TRPC3: variants seen among roughly 807,000 people sequenced by gnomAD.
The protein encoded by TRPC3 is transient receptor potential cation channel subfamily C member 3, also known as short transient receptor potential channel 3.
In TRPC3, 54 loss-of-function variants were observed where a neutral mutation model predicts 90.9. That is an observed-to-expected ratio of 0.59 (90% CI 0.48 to 0.75). The LOEUF is 0.75. Ranked by LOEUF, TRPC3 falls within the 30% of genes least tolerant of loss-of-function variation. The pLI is 0.00. For synonymous variants in TRPC3, 424 were observed against 450.9 expected, an observed-to-expected ratio of 0.94 and a Z score of 0.75; for missense variants, 918 against 1,194.5, an observed-to-expected ratio of 0.77 and a Z score of 3.41.
chr4:121,914,728 C>A, intron 4 of TRPC3, 52 bp downstream of exon 4: 2 of 1,450,276 alleles, frequency 1.4e-6, no homozygotes, highest in Non-Finnish European at 1.8e-6. Context: ...TTTTTTATCC[C>A]AAAGAGACAC....
intron 7 of TRPC3, among the ~76,000 whole-genome samples, chr4:121,905,114 A>T (rs1728834419): frequency 6.6e-6 from 1 of 152,142 alleles, no homozygotes; most frequent in Non-Finnish European, 1.5e-5. Context: ...TATCAAAGAT[A>T]CAGTAAATGA....
At position 121,911,736 on chromosome 4, in the gene TRPC3, T is replaced by A. The variant is rs189288911; in HGVS notation, c.1558+141A>T. 175 of 875,444 alleles carry A rather than the reference T, an allele frequency of 2.0e-4. No homozygotes were observed. The African/African-American group carries it at 2.7e-3, about 14-fold the overall frequency. The allele number at this position is 875,444 out of a possible 1,614,324, so 54.2% of individuals were successfully genotyped here. A position where few individuals can be genotyped will look rare whatever the true frequency, so the allele number is the denominator to read the frequency against. On this transcript the variant is annotated intron_variant, in intron 5 of 11. Transcript: ENST00000379645. Reference sequence around the variant, plus strand: ...TTATCTAGCTAGAAAATTATTTGGTTATTTTGCTATTTAGCTTATCTTGCA... The same window carrying A: ...TTATCTAGCTAGAAAATTATTTGGTAATTTTGCTATTTAGCTTATCTTGCA...
chr4:121,898,969 A>G (rs1005094236), intron 10 of TRPC3, among the ~76,000 whole-genome samples: 2 of 152,210 alleles, frequency 1.3e-5, no homozygotes, highest in African/African-American at 4.8e-5. Context: ...GCAGTAACGG[A>G]CATCACCAAT....
At chr4:121,889,353 A>G (rs1728240072) in intron 10 of TRPC3, among the ~76,000 whole-genome samples, 2 of 152,360 alleles carry the variant, frequency 1.3e-5, no homozygotes, top group Non-Finnish European at 1.5e-5. Flanking sequence ...TCCAGAATAT[A>G]TAAGAAACTT....
At position 121,889,550 on chromosome 4, in the gene TRPC3, C is replaced by T. The variant is rs188791661; in HGVS notation, c.2548-7121G>A. 2.6e-5 allele frequency among the ~76,000 whole-genome samples: 4 copies of T among 152,188 alleles called. No individual in the cohort carries two copies. In the East Asian group the frequency reaches 7.7e-4, roughly 29 times the overall value. ...TTTCACCTCACCCTAGTTAGGATGG[C>T]TATTATCAAACAGACAAAAAATAAC... On this transcript the variant is annotated intron_variant, in intron 10 of 11. Transcript: ENST00000379645.
chr4:121,913,943 A>T (rs1729203040), intron 4 of TRPC3, among the ~76,000 whole-genome samples: 1 of 152,168 alleles, frequency 6.6e-6, no homozygotes, highest in Non-Finnish European at 1.5e-5. Flanking sequence ...AGTGCCCTTG[A>T]CTCATTTTGC....
chr4:121,950,229 G>A (rs1730659607), intron 1 of TRPC3, among the ~76,000 whole-genome samples: 1 of 152,212 alleles, frequency 6.6e-6, no homozygotes, highest in African/African-American at 2.4e-5. Context: ...GTGTTCCTGT[G>A]TTCTACCGGC....
At chr4:121,907,672 C>A in intron 6 of TRPC3, 105 bp from the exon 7 acceptor site, 1 of 1,278,256 alleles carries the variant, frequency 7.8e-7, no homozygotes, top group South Asian at 1.6e-5. Context: ...AGGTGGTTAC[C>A]ATCTCAGTTG....
chr4:121,932,280 C>T lies in TRPC3; in HGVS notation c.978G>A (p.Lys326=). 2 of 1,613,738 alleles carry T rather than the reference C, an allele frequency of 1.2e-6. No individual in the cohort carries two copies. Among genetic ancestry groups the T allele is most frequent in the Non-Finnish European group, 1.7e-6 (2 of 1,179,732 alleles). ...NELAKLANIE[K]EFKNDYRKLS... Reference sequence around the variant, plus strand: ...AGAGCGCAAAGCTTACCTTGAACTCCTTCTCTATGTTGGCCAGCTTGGCCA... The same window carrying T: ...AGAGCGCAAAGCTTACCTTGAACTCTTTCTCTATGTTGGCCAGCTTGGCCA... Residue 326 remains lysine, a synonymous_variant, in exon 2 of 12, where the codon AAG becomes AAA. Coordinates refer to ENST00000379645, the MANE Select transcript of TRPC3 (RefSeq NM_001130698.2). This position sits in a 1 kb window ranked among gnomAD's most constrained non-coding sequence, Gnocchi z 7.7.
chr4:121,880,687 C>T (rs534020047), intron 11 of TRPC3, among the ~76,000 whole-genome samples: 1 of 152,184 alleles, frequency 6.6e-6, no homozygotes, highest in Admixed American at 6.5e-5. Flanking sequence ...TTGCAAGTGA[C>T]CGTAATGTAG....
chr4:121,943,584 G>A (rs1015450055), intron 1 of TRPC3, among the ~76,000 whole-genome samples: 1 of 151,908 alleles, frequency 6.6e-6, no homozygotes, highest in African/African-American at 2.4e-5. Context: ...GAAGACTAGT[G>A]ACAATGAAAT....
In TRPC3 at chr4:121,932,541, C is replaced by T; in HGVS notation, c.717G>A (p.Leu239=). ...RFSPDITPII[L]AAHCQKYEVV... ...CTTCGTATTTCTGGCAGTGCGCCGC[C>T]AGGATGATGGGGGTGATGTCCGGCG... The change falls in exon 2 of 12, where the codon CTG becomes CTA. Residue 239 remains leucine, a synonymous_variant. Transcript: ENST00000379645. This position sits in a 1 kb window ranked among gnomAD's most constrained non-coding sequence, Gnocchi z 7.7. 7 of 1,614,212 alleles carry T rather than the reference C, an allele frequency of 4.3e-6. No homozygotes were observed. The highest frequency in any genetic ancestry group is 4.2e-6 in the Non-Finnish European group (5 of 1,180,038).
intron 10 of TRPC3, among the ~76,000 whole-genome samples, chr4:121,883,656 G>C (rs112063803): frequency 2.4e-4 from 36 of 152,242 alleles, no homozygotes; most frequent in African/African-American, 7.7e-4. Context: ...TGGATCAATG[G>C]GGACTTTTAT....
chr4:121,930,745 CAA>C (rs1318737595), intron 2 of TRPC3: 1 of 307,556 alleles, frequency 3.3e-6, no homozygotes, highest in South Asian at 2.5e-5. Flanking sequence ...TTCAAAACAA[CAA>C]AGTGATATTT....
intron 7 of TRPC3, among the ~76,000 whole-genome samples, chr4:121,906,659 G>T (rs563347109): frequency 1.3e-5 from 2 of 152,178 alleles, no homozygotes; most frequent in South Asian, 4.1e-4. Flanking sequence ...TTCCCACCTG[G>T]AAGAACTGCA....
intron 10 of TRPC3, among the ~76,000 whole-genome samples, chr4:121,889,957 G>A (rs910902545): frequency 6.6e-6 from 1 of 152,086 alleles, no homozygotes; most frequent in African/African-American, 2.4e-5. Flanking sequence ...AAGTATGGTT[G>A]TATATATACA....
chr4:121,883,164 A>G (rs543644909), intron 10 of TRPC3, among the ~76,000 whole-genome samples: 3 of 152,238 alleles, frequency 2.0e-5, no homozygotes, highest in African/African-American at 7.2e-5. Context: ...TAAATGTGAA[A>G]GACAAAGCTT....
chr4:121,880,875 T>C (rs1008007521), intron 11 of TRPC3, among the ~76,000 whole-genome samples: 5 of 152,082 alleles, frequency 3.3e-5, no homozygotes, highest in Admixed American at 6.6e-5. Context: ...TATTCTTCTA[T>C]TATATAAAAG....
At chr4:121,916,889 A>G (rs1729336817) in intron 3 of TRPC3, among the ~76,000 whole-genome samples, 1 of 151,756 alleles carries the variant, frequency 6.6e-6, no homozygotes, top group Non-Finnish European at 1.5e-5. Context: ...AATTTTTTGT[A>G]TTTTTAGTAG....
Sources: gnomAD v4.1 joint callset for allele counts (sites outside exome capture counted in the v4.1 genomes callset) on GRCh38, gnomAD v4.1.1 for gene constraint, Gnocchi (gnomAD v3.1) non-coding constraint, MANE v1.5 for transcripts, NCBI Gene and HGNC (gene_info 2026-07-23, HGNC 2026-07-21) for gene names.